PCDHGA3: variants seen among roughly 807,000 people sequenced by gnomAD.
The protein encoded by PCDHGA3 is protocadherin gamma-A3.
In PCDHGA3, 40 loss-of-function variants were observed where a neutral mutation model predicts 58.5. The ratio of observed to expected loss-of-function variants is 0.68; its 90% CI spans 0.53 to 0.89. The LOEUF is 0.89. Ranked by LOEUF, PCDHGA3 falls within the 40% of genes least tolerant of loss-of-function variation. PCDHGA3 has a pLI of 0.00. For synonymous variants in PCDHGA3, 530 were observed against 525.7 expected, an observed-to-expected ratio of 1.01 and a Z score of -0.11; for missense variants, 1,223 against 1,195.9, an observed-to-expected ratio of 1.02 and a Z score of -0.33.
intron 1 of PCDHGA3, among the ~76,000 whole-genome samples, chr5:141,359,718 C>T (rs1296049505): frequency 6.6e-6 from 1 of 152,132 alleles, no homozygotes; most frequent in African/African-American, 2.4e-5. Flanking sequence ...GAAACTTTAA[C>T]ACTCATTTCC....
intron 1 of PCDHGA3, chr5:141,356,746 G>A (rs1312921384): frequency 1.2e-5 from 19 of 1,613,970 alleles, no homozygotes; most frequent in Admixed American, 1.7e-5. Context: ...GATCCTATAT[G>A]CTCTTTGCTC....
intron 2 of PCDHGA3, among the ~76,000 whole-genome samples, chr5:141,498,949 AAGAG>A (rs1417276243): frequency 1.3e-4 from 18 of 133,552 alleles, no homozygotes; most frequent in African/African-American, 1.9e-4. Context: ...AAGAAAGAAA[AAGAG>A]AGAGAGGGAG....
At chr5:141,374,737 C>A in intron 1 of PCDHGA3, 2 of 1,610,672 alleles carry the variant, frequency 1.2e-6, no homozygotes, top group Non-Finnish European at 1.7e-6. Context: ...TGGATGGCGG[C>A]GACCCTGTCC....
At chr5:141,411,954 A>T (rs563669924) in intron 1 of PCDHGA3, 1 of 152,382 alleles carries the variant, frequency 6.6e-6, no homozygotes, top group East Asian at 1.9e-4. Flanking sequence ...TTTTGAAGAA[A>T]AAAGATAAAA....
rs747509171 is a variant in PCDHGA3, at chr5:141,477,069, A to G, written c.2425-17738A>G. The stretch of plus-strand genomic sequence containing the variant: ...CTGGACTTCGAGGACACCAAACTCC[A>G]TGAGATTTACATCCAGGCCAAAGAC... On this transcript the variant is annotated intron_variant, in intron 1 of 3. Coordinates refer to ENST00000253812, the MANE Select transcript of PCDHGA3 (RefSeq NM_018916.4). The surrounding 1 kb of genome is among the most constrained non-coding windows in gnomAD (Gnocchi z 4.9). 7 of 1,614,246 alleles carry G rather than the reference A, an allele frequency of 4.3e-6. No homozygotes were observed. The highest frequency in any genetic ancestry group is 5.9e-6 in the Non-Finnish European group (7 of 1,180,026).
At chr5:141,510,627 G>C (rs2099881988) in intron 3 of PCDHGA3, among the ~76,000 whole-genome samples, 2 of 152,090 alleles carry the variant, frequency 1.3e-5, no homozygotes, top group South Asian at 2.1e-4. Context: ...AACCAGAAGA[G>C]GTGGTTACCA....
rs767107885 is a variant in PCDHGA3, at chr5:141,423,138, C to T, written c.2425-71669C>T. ...CAGCGCGGGCACTGCTGGACAGAGA[C>T]GCGCTCAAGCAGAGCCTCGTGGTGG... On this transcript the variant is annotated intron_variant, in intron 1 of 3. Transcript: ENST00000253812. 2.5e-6 allele frequency: 4 copies of T among 1,613,606 alleles called. 1 individual carries two copies. The highest frequency in any genetic ancestry group is 3.4e-6 in the Non-Finnish European group (4 of 1,179,912).
At position 141,431,098 on chromosome 5, in the gene PCDHGA3, A is replaced by G; in HGVS notation, c.2425-63709A>G. The G allele has an allele frequency of 6.2e-7, 1 of 1,614,260 alleles. No homozygotes were observed. The highest frequency in any genetic ancestry group is 8.5e-7 in the Non-Finnish European group (1 of 1,180,040). On this transcript the variant is annotated intron_variant, in intron 1 of 3. Transcript: ENST00000253812. This position sits in a 1 kb window ranked among gnomAD's most constrained non-coding sequence, Gnocchi z 4.8. ...ATCTAGACATTCTGATGGAGGATAA[A>G]GTGAAAATATATGGAGTAGAAGTAG...
Position 141,511,178 on chromosome 5 carries a change from G to A in PCDHGA3, c.*5G>A. The A allele has an allele frequency of 6.2e-7, 1 of 1,614,090 alleles. No homozygotes were observed. Among genetic ancestry groups the A allele is most frequent in the South Asian group, 1.1e-5 (1 of 91,074 alleles). On this transcript the variant is annotated 3_prime_UTR_variant, in exon 4 of 4. Coordinates refer to ENST00000253812, the MANE Select transcript of PCDHGA3 (RefSeq NM_018916.4). ...GGCAAGAAGGAGAAGAAGTAACATG[G>A]AGGCCAGGCCAAGAGCCACAGGGCG...
chr5:141,422,569 G>C, intron 1 of PCDHGA3: 2 of 1,613,984 alleles, frequency 1.2e-6, no homozygotes, highest in Non-Finnish European at 1.7e-6. Flanking sequence ...AGATGACAAC[G>C]ATAACCCTCC....
Position 141,385,046 on chromosome 5 carries a change from T to C in PCDHGA3, c.2424+38589T>C, listed in dbSNP as rs777247092. 1.9e-6 allele frequency: 3 copies of C among 1,614,038 alleles called. No homozygotes were observed. The Admixed American group carries it at 5.0e-5, about 27-fold the overall frequency. Reference sequence around the variant, plus strand: ...GTCCTCGTACTGCTGGCGCTCAGGCTGCGGCGCTGGCACAAGTCACGCCTG... The same window carrying C: ...GTCCTCGTACTGCTGGCGCTCAGGCCGCGGCGCTGGCACAAGTCACGCCTG... On this transcript the variant is annotated intron_variant, in intron 1 of 3. Coordinates refer to ENST00000253812, the MANE Select transcript of PCDHGA3 (RefSeq NM_018916.4).
chr5:141,344,671 T>G lies in PCDHGA3; in HGVS notation c.638T>G (p.Val213Gly). ...EKKEIHQLVLVASDGGDPVHS... is the reference protein window; with the variant it reads ...EKKEIHQLVLGASDGGDPVHS... ...AAAGAAATTCACCAGCTTGTCCTGG[T>G]TGCCTCTGATGGTGGCGACCCTGTC... Residue 213 changes from valine (V) to glycine (G), a missense_variant, in exon 1 of 4, where the codon GTT (valine) becomes GGT (glycine). By Grantham distance (109) the Val-to-Gly change is moderately radical. Coordinates refer to ENST00000253812, the MANE Select transcript of PCDHGA3 (RefSeq NM_018916.4). 6.2e-7 allele frequency: 1 copy of G among 1,613,952 alleles called. No homozygotes were observed. Among genetic ancestry groups the G allele is most frequent in the Non-Finnish European group, 8.5e-7 (1 of 1,179,882 alleles).
intron 1 of PCDHGA3, among the ~76,000 whole-genome samples, chr5:141,459,534 T>G (rs980917458): frequency 1.3e-5 from 2 of 151,990 alleles, no homozygotes; most frequent in African/African-American, 2.4e-5. Flanking sequence ...TGTAGGCATA[T>G]TTTTTTTATT....
Position 141,511,348 on chromosome 5 carries a change from C to T in PCDHGA3, c.*175C>T. Reference sequence around the variant, plus strand: ...TGCCCAGTCAGCACCTACCCCTTCCCCCCCAGGGGGTTGAATATGCAAAAG... The same window carrying T: ...TGCCCAGTCAGCACCTACCCCTTCCTCCCCAGGGGGTTGAATATGCAAAAG... On this transcript the variant is annotated 3_prime_UTR_variant, in exon 4 of 4. Transcript: ENST00000253812. The T allele has an allele frequency of 7.1e-7, 1 of 1,404,104 alleles. No homozygotes were observed. The highest frequency in any genetic ancestry group is 9.5e-7 in the Non-Finnish European group (1 of 1,056,554). 87.0% of individuals were successfully genotyped at this position (1,404,104 alleles called of 1,614,324 possible). A position where few individuals can be genotyped will look rare whatever the true frequency, so the allele number is the denominator to read the frequency against.
In PCDHGA3 at chr5:141,476,585, G is replaced by C; in HGVS notation, c.2425-18222G>C. 6.2e-7 allele frequency: 1 copy of C among 1,614,214 alleles called. No homozygotes were observed. The highest frequency in any genetic ancestry group is 8.5e-7 in the Non-Finnish European group (1 of 1,180,040). On this transcript the variant is annotated intron_variant, in intron 1 of 3. Coordinates refer to ENST00000253812, the MANE Select transcript of PCDHGA3 (RefSeq NM_018916.4). The surrounding 1 kb of genome is among the most constrained non-coding windows in gnomAD (Gnocchi z 7.6). ...GGCTCCGGGGACGCGCTTTCCGCTC[G>C]AGAGCGCGCACGATCCCGATGTGGG...
intron 1 of PCDHGA3, among the ~76,000 whole-genome samples, chr5:141,455,290 T>C (rs551962783): frequency 5.3e-5 from 8 of 152,206 alleles, no homozygotes; most frequent in East Asian, 1.9e-4. Flanking sequence ...TCACTTTACA[T>C]AGTTTCATCT....
chr5:141,432,073 C>T lies in PCDHGA3; in HGVS notation c.2425-62734C>T, dbSNP rs1276949951. On this transcript the variant is annotated intron_variant, in intron 1 of 3. Transcript: ENST00000253812. This position sits in a 1 kb window ranked among gnomAD's most constrained non-coding sequence, Gnocchi z 6.0. ...CGCCCCTATCCACGGAAACTCATAT[C>T]TCGCTGAACGTGGCAGACACCAACG... is the stretch of plus-strand genomic sequence containing the variant. 3.1e-6 allele frequency: 5 copies of T among 1,614,208 alleles called. No homozygotes were observed. Among genetic ancestry groups the T allele is most frequent in the Non-Finnish European group, 4.2e-6 (5 of 1,180,040 alleles).
intron 1 of PCDHGA3, chr5:141,399,009 C>T (rs759328384): frequency 8.1e-6 from 13 of 1,613,694 alleles, no homozygotes; most frequent in African/African-American, 1.3e-5. Context: ...ATTCAAAGAG[C>T]GGAGAAATTA....
intron 1 of PCDHGA3, chr5:141,427,536 G>T (rs758610182): frequency 1.6e-6 from 1 of 626,396 alleles, no homozygotes; most frequent in Non-Finnish European, 3.0e-6. Context: ...GGAGTACAAC[G>T]TCACCATCAC....
Sources: allele counts gnomAD v4.1 joint callset (sites outside exome capture counted in the v4.1 genomes callset), GRCh38; gene constraint gnomAD v4.1.1; non-coding constraint Gnocchi (gnomAD v3.1); transcripts MANE v1.5; gene names NCBI Gene and HGNC (gene_info 2026-07-23, HGNC 2026-07-21).